ZNF385D: variants seen among roughly 807,000 people sequenced by gnomAD.
ZNF385D encodes the protein zinc finger protein 659.
A neutral mutation model predicts 35.8 loss-of-function variants in ZNF385D; 15 were observed. That is an observed-to-expected ratio of 0.42 (90% CI 0.28 to 0.64). The LOEUF (loss-of-function observed/expected upper bound fraction) is 0.64, where lower values mean the gene tolerates loss of function less well. ZNF385D is among the 30% of genes least tolerant of loss of function. The pLI is 0.23. For synonymous variants in ZNF385D, 212 were observed against 186.8 expected (o/e 1.13, Z -1.10); for missense variants, 474 against 494.6 (o/e 0.96, Z 0.39).
intron 1 of ZNF385D, among the ~76,000 whole-genome samples, chr3:21,670,647 GGCGCCCCCC>G (rs2066541009): frequency 1.9e-4 from 3 of 15,754 alleles, no homozygotes; most frequent in South Asian, 4.1e-3. Flanking sequence ...GAAATCCTAA[GGCGCCCCCC>G]CCCCCCCCCC....
At chr3:21,531,275 G>A (rs758101651) in intron 3 of ZNF385D, among the ~76,000 whole-genome samples, 2 of 152,166 alleles carry the variant, frequency 1.3e-5, no homozygotes, top group Non-Finnish European at 2.9e-5. Context: ...GCAAGGATGT[G>A]GAGAAACAGG....
chr3:21,772,988 G>C (rs2071138082), intron 3 of ZNF385D, among the ~76,000 whole-genome samples: 1 of 151,854 alleles, frequency 6.6e-6, no homozygotes, highest in Non-Finnish European at 1.5e-5. Flanking sequence ...ACTTTTATGA[G>C]GTACTTAGAG....
intron 3 of ZNF385D, among the ~76,000 whole-genome samples, chr3:21,853,542 T>TATCA (rs1372536886): frequency 1.3e-5 from 2 of 150,614 alleles, no homozygotes; most frequent in Non-Finnish European, 3.0e-5. Flanking sequence ...AATGTCACTT[T>TATCA]ATCATATCAT....
chr3:21,503,070 G>T (rs1222695987), intron 4 of ZNF385D, among the ~76,000 whole-genome samples: 2 of 152,166 alleles, frequency 1.3e-5, no homozygotes, highest in East Asian at 3.9e-4. Flanking sequence ...TGATGGAAAT[G>T]TGCCCTTTTC....
chr3:21,808,658 G>A (rs2072764720), intron 3 of ZNF385D, among the ~76,000 whole-genome samples: 3 of 152,192 alleles, frequency 2.0e-5, no homozygotes, highest in African/African-American at 7.2e-5. Context: ...TGACAGCAAA[G>A]GGGCAAATCA....
chr3:21,996,881 G>A (rs368547909), intron 3 of ZNF385D, among the ~76,000 whole-genome samples: 3 of 152,052 alleles, frequency 2.0e-5, no homozygotes, highest in African/African-American at 7.2e-5. Context: ...TTCTCTGCCC[G>A]AGTGATTAAG....
chr3:22,201,305 G>A (rs1345120807), intron 2 of ZNF385D, among the ~76,000 whole-genome samples: 1 of 151,984 alleles, frequency 6.6e-6, no homozygotes, highest in Non-Finnish European at 1.5e-5. Context: ...AGATGACAAA[G>A]TCAACTGAGA....
chr3:22,145,311 A>G (rs572945619), intron 3 of ZNF385D, among the ~76,000 whole-genome samples: 19 of 152,342 alleles, frequency 1.2e-4, no homozygotes, highest in Admixed American at 1.2e-3. Context: ...CAATTTGTGA[A>G]TCTGATGTTG....
intron 3 of ZNF385D, among the ~76,000 whole-genome samples, chr3:22,058,992 T>G (rs191525762): frequency 6.6e-6 from 1 of 152,286 alleles, no homozygotes. Flanking sequence ...TTAATTTCAA[T>G]CACCCCTAAA....
At chr3:21,947,627 G>C (rs182854470) in intron 3 of ZNF385D, among the ~76,000 whole-genome samples, 1 of 152,322 alleles carries the variant, frequency 6.6e-6, no homozygotes, top group African/African-American at 2.4e-5. Flanking sequence ...TGGGATTCCA[G>C]GCGTGAGCCA....
chr3:22,063,893 C>T (rs1328233685), intron 3 of ZNF385D, among the ~76,000 whole-genome samples: 1 of 152,198 alleles, frequency 6.6e-6, no homozygotes, highest in African/African-American at 2.4e-5. Context: ...TTTGTTTTGA[C>T]AGCAGGACAC....
intron 3 of ZNF385D, among the ~76,000 whole-genome samples, chr3:21,864,061 T>C (rs1394782771): frequency 1.3e-5 from 2 of 152,132 alleles, no homozygotes; most frequent in Non-Finnish European, 2.9e-5. Flanking sequence ...TAAAGGAAGA[T>C]CCAGGTAAGG....
At chr3:22,141,422 A>T (rs572777650) in intron 3 of ZNF385D, among the ~76,000 whole-genome samples, 1 of 152,342 alleles carries the variant, frequency 6.6e-6, no homozygotes, top group Admixed American at 6.5e-5. Flanking sequence ...TTTCACACTT[A>T]CACTGTTATA....
chr3:21,420,528 A>G lies in ZNF385D; in HGVS notation c.*686T>C, dbSNP rs1373969464. On this transcript the variant is annotated 3_prime_UTR_variant, in exon 8 of 8. Coordinates refer to ENST00000281523, the MANE Select transcript of ZNF385D (RefSeq NM_024697.3). ...ATCTTCAAGCTAGACAGGAGGGGAGAATGCTGACCAGGGAGACCTCCATGA... is the reference window on the plus strand; with the variant it reads ...ATCTTCAAGCTAGACAGGAGGGGAGGATGCTGACCAGGGAGACCTCCATGA... The G allele has an allele frequency of 6.6e-6, 1 of 152,136 alleles. No individual in the cohort carries two copies. Among genetic ancestry groups the G allele is most frequent in the Non-Finnish European group, 1.5e-5 (1 of 68,022 alleles). 9.4% of individuals were successfully genotyped at this position (152,136 alleles called of 1,614,324 possible). A position where few individuals can be genotyped will look rare whatever the true frequency, so the allele number is the denominator to read the frequency against.
chr3:22,213,566 A>G (rs941920010), intron 2 of ZNF385D, among the ~76,000 whole-genome samples: 8 of 152,098 alleles, frequency 5.3e-5, no homozygotes, highest in African/African-American at 1.9e-4. Context: ...AGGTATCAGT[A>G]TGAATCAGTC....
intron 3 of ZNF385D, among the ~76,000 whole-genome samples, chr3:21,996,998 C>T (rs1695503716): frequency 1.3e-5 from 2 of 151,752 alleles, no homozygotes; most frequent in Admixed American, 1.3e-4. Context: ...AGAGATTAAA[C>T]CAATGTTATT....
At chr3:22,025,679 G>C (rs887863573) in intron 3 of ZNF385D, among the ~76,000 whole-genome samples, 1 of 152,158 alleles carries the variant, frequency 6.6e-6, no homozygotes, top group African/African-American at 2.4e-5. Context: ...AGCTGGAAAT[G>C]CCTGATCTCC....
chr3:21,866,472 G>C (rs922908756), intron 3 of ZNF385D, among the ~76,000 whole-genome samples: 1 of 152,120 alleles, frequency 6.6e-6, no homozygotes, highest in South Asian at 2.1e-4. Flanking sequence ...AGAAATACTC[G>C]CCAGGTTTTA....
At chr3:21,871,904 G>C (rs1167275337) in intron 3 of ZNF385D, among the ~76,000 whole-genome samples, 1 of 151,936 alleles carries the variant, frequency 6.6e-6, no homozygotes, top group South Asian at 2.1e-4. Context: ...GGCTGAGACA[G>C]GAGAATCACT....
Sources: gnomAD v4.1 joint callset for allele counts (sites outside exome capture counted in the v4.1 genomes callset) on GRCh38, gnomAD v4.1.1 for gene constraint, MANE v1.5 for transcripts, NCBI Gene and HGNC (gene_info 2026-07-23, HGNC 2026-07-21) for gene names.